The following DGKD variants were observed in gnomAD, a reference collection of about 807,000 sequenced individuals.
DGKD encodes diacylglycerol kinase delta.
A neutral mutation model predicts 154.4 loss-of-function variants in DGKD; 68 were observed. The ratio of observed to expected loss-of-function variants is 0.44; its 90% CI spans 0.36 to 0.54. DGKD has a LOEUF of 0.54. Ranked by LOEUF, DGKD falls within the 20% of genes least tolerant of loss-of-function variation. The pLI is 0.00. For missense variants in DGKD, 1,343 were observed against 1,593.6 expected (o/e 0.84, Z 2.68); for synonymous variants, 693 against 638.0 (o/e 1.09, Z -1.30).
At chr2:233,412,866 A>G (rs760825342) in intron 3 of DGKD, among the ~76,000 whole-genome samples, 3 of 152,132 alleles carry the variant, frequency 2.0e-5, no homozygotes, top group Non-Finnish European at 4.4e-5. Flanking sequence ...TCTCCTTTAT[A>G]TTATTAAAAG....
chr2:233,464,101 G>T (rs2063752895), intron 26 of DGKD, 63 bp from the exon 27 acceptor site: 2 of 1,604,134 alleles, frequency 1.2e-6, no homozygotes, highest in East Asian at 4.5e-5. Context: ...CACCCCCCTG[G>T]GCCTCGCGCT....
Position 233,446,740 on chromosome 2 carries a change from C to A in DGKD, c.1363C>A (p.Leu455Ile), listed in dbSNP as rs1011857967. Residue 455 changes from leucine to isoleucine, a missense_variant, in exon 12 of 30, where the codon CTC becomes ATC. Leu to Ile is a conservative substitution (Grantham distance 5, BLOSUM62 2). Transcript: ENST00000264057. Reference protein sequence around the residue: ...RWSVMAYEAKLPRQASSSTVT... With the variant: ...RWSVMAYEAKIPRQASSSTVT... Reference sequence around the variant, plus strand: ...GAGCGTCATGGCATACGAGGCCAAGCTCCCCCGGCAGGCCTCCTCCTCTAC... The same window carrying A: ...GAGCGTCATGGCATACGAGGCCAAGATCCCCCGGCAGGCCTCCTCCTCTAC... 2 of 1,614,184 alleles carry A rather than the reference C, an allele frequency of 1.2e-6. No individual in the cohort carries two copies. The highest frequency in any genetic ancestry group is 1.7e-4 in the Middle Eastern group (1 of 6,060).
chr2:233,445,619 T>C lies in DGKD; in HGVS notation c.1195-4T>C, dbSNP rs948118354. The C allele has an allele frequency of 6.2e-7, 1 of 1,603,924 alleles. No homozygotes were observed. Among genetic ancestry groups the C allele is most frequent in the African/African-American group, 1.3e-5 (1 of 74,462 alleles). ...CCTGCGCATCGTCCCCCATGTTTCC[T>C]TAGTGTCAGCTGGGAGTGCTGCCGC... On this transcript the variant is annotated splice_polypyrimidine_tract_variant and splice_region_variant and intron_variant, in intron 10 of 29. Coordinates refer to ENST00000264057, the MANE Select transcript of DGKD (RefSeq NM_152879.3). The surrounding 1 kb of genome is among the most constrained non-coding windows in gnomAD (Gnocchi z 5.5).
At chr2:233,396,974 G>T (rs1358841838) in intron 3 of DGKD, among the ~76,000 whole-genome samples, 2 of 118,520 alleles carry the variant, frequency 1.7e-5, no homozygotes, top group Non-Finnish European at 3.6e-5. Context: ...AGGGTGGCTG[G>T]GGGGGGCAGA....
At chr2:233,365,671 C>T (rs1379179845) in intron 1 of DGKD, among the ~76,000 whole-genome samples, 1 of 152,174 alleles carries the variant, frequency 6.6e-6, no homozygotes, top group Admixed American at 6.6e-5. Context: ...TAACACAAGT[C>T]TCAACAGCTT....
At position 233,459,857 on chromosome 2, in the gene DGKD, A is replaced by G. The variant is rs1211593351; in HGVS notation, c.2795A>G (p.His932Arg). The change falls in exon 23 of 30, where the codon CAC (histidine) becomes CGC (arginine). Residue 932 changes from histidine (H) to arginine (R), a missense_variant. By Grantham distance (29) the His-to-Arg change is conservative (BLOSUM62 0). Transcript: ENST00000264057. This position sits in a 1 kb window ranked among gnomAD's most constrained non-coding sequence, Gnocchi z 5.7. ...CCGCCAGGGTACATTCGGATTGTCC[A>G]CAAGAACCGGGCACAGACACTGACC... ...VQPPGYIRIV[H>R]KNRAQTLTRD... 1.2e-6 allele frequency: 2 copies of G among 1,613,956 alleles called. No homozygotes were observed. The highest frequency in any genetic ancestry group is 1.7e-6 in the Non-Finnish European group (2 of 1,179,982).
chr2:233,419,151 G>T (rs1160406841), intron 3 of DGKD: 2 of 910,852 alleles, frequency 2.2e-6, no homozygotes, highest in Non-Finnish European at 2.6e-6. Flanking sequence ...CTTATTCTCG[G>T]CCACCTTTCC....
At chr2:233,462,543 C>T (rs1292278633) in intron 25 of DGKD, 84 bp downstream of exon 25, 1 of 1,522,018 alleles carries the variant, frequency 6.6e-7, no homozygotes, top group Non-Finnish European at 9.1e-7. Context: ...ATTCCCCCGC[C>T]TCCCCGGTGC....
rs2062755555 is a variant in DGKD at position 233,438,029 on chromosome 2, A to C, written c.923-188A>C. ...GCTTGTGAATGTGGAGGTCAGATGG[A>C]TGGGGCTCCCGGCCTCACACATGGA... On this transcript the variant is annotated intron_variant, in intron 8 of 29. Transcript: ENST00000264057. The surrounding 1 kb of genome is among the most constrained non-coding windows in gnomAD (Gnocchi z 4.1). Among the ~76,000 whole-genome samples the C allele has an allele frequency of 6.6e-6, 1 of 152,162 alleles. No individual in the cohort carries two copies. Among genetic ancestry groups the C allele is most frequent in the African/African-American group, 2.4e-5 (1 of 41,436 alleles).
At chr2:233,468,101 C>G (rs1253538439) in intron 28 of DGKD, among the ~76,000 whole-genome samples, 1 of 152,022 alleles carries the variant, frequency 6.6e-6, no homozygotes, top group African/African-American at 2.4e-5. Flanking sequence ...TCTGCTGCAG[C>G]CATCGCCCCT....
At chr2:233,356,185 C>G (rs1205614285) in intron 1 of DGKD, among the ~76,000 whole-genome samples, 1 of 152,186 alleles carries the variant, frequency 6.6e-6, no homozygotes, top group African/African-American at 2.4e-5. Flanking sequence ...AAGAAATGGC[C>G]TTCTACATAT....
intron 1 of DGKD, among the ~76,000 whole-genome samples, chr2:233,372,129 C>T (rs1269051222): frequency 1.3e-5 from 2 of 152,108 alleles, no homozygotes; most frequent in Non-Finnish European, 2.9e-5. Flanking sequence ...TCAAGTGATC[C>T]TCCCAGTCAG....
intron 1 of DGKD, among the ~76,000 whole-genome samples, chr2:233,368,303 A>T (rs926289590): frequency 1.3e-5 from 2 of 152,032 alleles, no homozygotes; most frequent in African/African-American, 4.8e-5. Flanking sequence ...TGAGGTCAGG[A>T]GTTCGAGACC....
intron 3 of DGKD, among the ~76,000 whole-genome samples, chr2:233,425,273 A>T (rs1575094625): frequency 6.6e-6 from 1 of 152,026 alleles, no homozygotes; most frequent in Non-Finnish European, 1.5e-5. Context: ...TGCAAATTCC[A>T]CCTGCCGGGT....
At position 233,452,606 on chromosome 2, in the gene DGKD, G is replaced by A. The variant is rs950856165; in HGVS notation, c.2264+546G>A. ...ACTAGCCTGTGCTGAGGCTTATAAG[G>A]GCTGCTGCGTGCCTGCGTGCTGATA... On this transcript the variant is annotated intron_variant, in intron 18 of 29. Coordinates refer to ENST00000264057, the MANE Select transcript of DGKD (RefSeq NM_152879.3). The surrounding 1 kb of genome is among the most constrained non-coding windows in gnomAD (Gnocchi z 4.0). Among the ~76,000 whole-genome samples, 15 of 152,170 alleles carry A rather than the reference G, an allele frequency of 9.9e-5. No homozygotes were observed. The highest frequency in any genetic ancestry group is 3.6e-4 in the African/African-American group (15 of 41,428).
rs2063975870 is a variant in DGKD at position 233,470,462 on chromosome 2, GCTT to G, written c.*1006_*1008del. 6.5e-6 allele frequency: 1 copy of G among 152,774 alleles called. No individual in the cohort carries two copies. The highest frequency in any genetic ancestry group is 2.1e-4 in the South Asian group (1 of 4,844). 9.5% of individuals were successfully genotyped at this position (152,774 alleles called of 1,614,324 possible). A position where few individuals can be genotyped will look rare whatever the true frequency, so the allele number is the denominator to read the frequency against. On this transcript the variant is annotated 3_prime_UTR_variant, in exon 30 of 30. Transcript: ENST00000264057. Reference sequence around the variant, plus strand: ...CTCCTGAGTGTCTGCCCCTGCAGTGGCTTCTTGTCGCCTGCTGCTGGGCGTGAT... The same window carrying G: ...CTCCTGAGTGTCTGCCCCTGCAGTGGCTTGTCGCCTGCTGCTGGGCGTGAT...
chr2:233,408,393 A>G (rs1286955377), intron 3 of DGKD, among the ~76,000 whole-genome samples: 2 of 152,222 alleles, frequency 1.3e-5, no homozygotes, highest in African/African-American at 2.4e-5. Flanking sequence ...TAATTGCTGC[A>G]ACTGCTGGCC....
At chr2:233,367,088 G>T (rs1702064835) in intron 1 of DGKD, among the ~76,000 whole-genome samples, 2 of 152,156 alleles carry the variant, frequency 1.3e-5, no homozygotes, top group Non-Finnish European at 2.9e-5. Flanking sequence ...TACCCATCAA[G>T]TTTTACGCAT....
intron 19 of DGKD, among the ~76,000 whole-genome samples, 158 bp from the exon 20 acceptor site, chr2:233,456,741 A>G (rs2063474246): frequency 6.6e-6 from 1 of 152,238 alleles, no homozygotes; most frequent in South Asian, 2.1e-4. Context: ...CATATCTGCA[A>G]AAACAAAAAT....
Sources: gnomAD v4.1 joint callset for allele counts (sites outside exome capture counted in the v4.1 genomes callset) on GRCh38, gnomAD v4.1.1 for gene constraint, Gnocchi (gnomAD v3.1) non-coding constraint, MANE v1.5 for transcripts, NCBI Gene and HGNC (gene_info 2026-07-23, HGNC 2026-07-21) for gene names.